The following FGD6 variants were observed in gnomAD, a reference collection of about 807,000 sequenced individuals.
FGD6 encodes the protein FYVE, RhoGEF and PH domain containing 6, also known as FYVE, RhoGEF and PH domain-containing protein 6.
A neutral mutation model predicts 149.4 loss-of-function variants in FGD6; 90 were observed. That is an observed-to-expected ratio of 0.60 (90% CI 0.51 to 0.72). The LOEUF is 0.72. Ranked by LOEUF, FGD6 falls within the 30% of genes least tolerant of loss-of-function variation. The probability of loss-of-function intolerance (pLI) is 0.00; values close to 1 mark genes in which losing one functional copy is unlikely to be tolerated. For synonymous variants in FGD6, 527 were observed against 584.0 expected (o/e 0.90, Z 1.41); for missense variants, 1,437 against 1,684.8 (o/e 0.85, Z 2.57).
chr12:95,160,379 C>T (rs4762607), intron 3 of FGD6, among the ~76,000 whole-genome samples: 6,656 of 152,136 alleles, frequency 0.044, 202 homozygotes, highest in Middle Eastern at 0.099. Flanking sequence ...CAGTAAATAC[C>T]TAGTGTTGGT....
rs1011654165 is a variant in FGD6, at chr12:95,092,778, G to C, written c.3668C>G (p.Thr1223Ser). Residue 1223 changes from threonine (T) to serine (S), a missense_variant, in exon 16 of 21, where the codon ACC becomes AGC. Coordinates refer to ENST00000343958, the MANE Select transcript of FGD6 (RefSeq NM_018351.4). Reference sequence around the variant, plus strand: ...GCAGATCATACACATTGTGGCTCTGGTATCAGGAATCCAGATGGGAGCCTT... The same window carrying C: ...GCAGATCATACACATTGTGGCTCTGCTATCAGGAATCCAGATGGGAGCCTT... ...GSKAPIWIPD[T>S]RATMCMICTS... 2 of 1,613,962 alleles carry C rather than the reference G, an allele frequency of 1.2e-6. No individual in the cohort carries two copies. The highest frequency in any genetic ancestry group is 2.7e-5 in the African/African-American group (2 of 74,892).
chr12:95,115,216 A>C (rs1878969232), intron 8 of FGD6, among the ~76,000 whole-genome samples: 1 of 151,974 alleles, frequency 6.6e-6, no homozygotes, highest in East Asian at 1.9e-4. Flanking sequence ...AAAGGGGACA[A>C]TAAATGCTTA....
chr12:95,168,267 T>C (rs1880882832), intron 3 of FGD6, among the ~76,000 whole-genome samples: 1 of 152,254 alleles, frequency 6.6e-6, no homozygotes, highest in African/African-American at 2.4e-5. Flanking sequence ...TATTTACTCA[T>C]CAAAGATAAG....
chr12:95,082,683 A>C (rs1308811525), intron 20 of FGD6, among the ~76,000 whole-genome samples: 1 of 149,686 alleles, frequency 6.7e-6, no homozygotes, highest in Non-Finnish European at 1.5e-5. Flanking sequence ...AGAGCTTCTC[A>C]AAGTTTCACA....
At position 95,209,580 on chromosome 12, in the gene FGD6, C is replaced by G. The variant is rs1475257622; in HGVS notation, c.1704G>C (p.Lys568Asn). Reference sequence around the variant, plus strand: ...AAAAGGGTAAAATAGGATGAGGTAACTTCCACACTGGCTTTTCTGAAGCCC... The same window carrying G: ...AAAAGGGTAAAATAGGATGAGGTAAGTTCCACACTGGCTTTTCTGAAGCCC... Reference protein sequence around the residue: ...PKRASEKPVWKLPHPILPFSG... With the variant: ...PKRASEKPVWNLPHPILPFSG... Residue 568 changes from lysine (K) to asparagine (N), a missense_variant, in exon 2 of 21, where the codon AAG (lysine) becomes AAC (asparagine). Transcript: ENST00000343958. The G allele has an allele frequency of 1.2e-6, 2 of 1,614,002 alleles. No individual in the cohort carries two copies. The highest frequency in any genetic ancestry group is 1.1e-5 in the South Asian group (1 of 91,060).
chr12:95,131,113 T>G (rs1454428107), intron 8 of FGD6, among the ~76,000 whole-genome samples: 3 of 125,124 alleles, frequency 2.4e-5, no homozygotes, highest in Admixed American at 7.4e-5. Flanking sequence ...AAAGAGTTTT[T>G]TTTTTTTTTT....
intron 2 of FGD6, among the ~76,000 whole-genome samples, chr12:95,192,533 A>C (rs1007771065): frequency 2.6e-5 from 4 of 152,218 alleles, no homozygotes; most frequent in African/African-American, 7.2e-5. Flanking sequence ...TGTGTCAGGC[A>C]CTGTTCTGGG....
chr12:95,107,023 C>T lies in FGD6; in HGVS notation c.3348G>A (p.Leu1116=), dbSNP rs767391920. The T allele has an allele frequency of 1.7e-5, 27 of 1,610,716 alleles. No individual in the cohort carries two copies. Among genetic ancestry groups the T allele is most frequent in the East Asian group, 2.2e-5 (1 of 44,672 alleles). The stretch of plus-strand genomic sequence containing the variant: ...CAGACTGCACTGGTGTTGTATACAG[C>T]AGGGCATCATTAAACTGAAAGTAGA... ...PRMFFLFNDA[L]LYTTPVQSGM... The change falls in exon 13 of 21, where the codon CTG becomes CTA. Residue 1116 remains leucine (L), a synonymous_variant. Coordinates refer to ENST00000343958, the MANE Select transcript of FGD6 (RefSeq NM_018351.4).
At chr12:95,208,719 T>C (rs2056705484) in intron 2 of FGD6, 124 bp downstream of exon 2, 2 of 1,169,774 alleles carry the variant, frequency 1.7e-6, no homozygotes, top group Non-Finnish European at 2.4e-6. Context: ...TTGAGAATAA[T>C]TACACATTTT....
At chr12:95,213,844 A>G (rs1051218058) in intron 1 of FGD6, among the ~76,000 whole-genome samples, 4 of 152,242 alleles carry the variant, frequency 2.6e-5, no homozygotes, top group Admixed American at 6.5e-5. Context: ...ACTGAATTCA[A>G]TTAATAACTG....
chr12:95,095,030 G>A, intron 14 of FGD6, among the ~76,000 whole-genome samples: 1 of 152,094 alleles, frequency 6.6e-6, no homozygotes, highest in East Asian at 1.9e-4. Context: ...TATTTATATA[G>A]CCAGGGAGTT....
At chr12:95,148,476 C>T (rs1301890390) in intron 5 of FGD6, among the ~76,000 whole-genome samples, 2 of 95,356 alleles carry the variant, frequency 2.1e-5, no homozygotes, top group African/African-American at 6.6e-5. Context: ...CTAAAAAATC[C>T]CTTCCAAATA....
intron 2 of FGD6, among the ~76,000 whole-genome samples, chr12:95,200,688 G>A (rs1473560079): frequency 4.6e-5 from 7 of 152,142 alleles, no homozygotes; most frequent in African/African-American, 1.2e-4. Flanking sequence ...TTACTCCACT[G>A]ACAGTCTATT....
At chr12:95,173,285 G>A (rs1267809691) in intron 2 of FGD6, among the ~76,000 whole-genome samples, 1 of 152,230 alleles carries the variant, frequency 6.6e-6, no homozygotes, top group African/African-American at 2.4e-5. Context: ...TGGGGAGGAA[G>A]AGGAAATGTT....
chr12:95,213,617 A>C (rs2056738597), intron 1 of FGD6, among the ~76,000 whole-genome samples: 2 of 152,196 alleles, frequency 1.3e-5, no homozygotes, highest in South Asian at 4.1e-4. Context: ...GAACCTTGTC[A>C]GAAGCTTTAG....
chr12:95,099,709 T>C (rs1055992330), intron 14 of FGD6, among the ~76,000 whole-genome samples: 2 of 152,114 alleles, frequency 1.3e-5, no homozygotes, highest in East Asian at 1.9e-4. Flanking sequence ...CAACTTCTAC[T>C]GTAGTCTCCT....
chr12:95,127,481 T>G (rs984260636), intron 8 of FGD6, among the ~76,000 whole-genome samples: 1 of 152,048 alleles, frequency 6.6e-6, no homozygotes, highest in Non-Finnish European at 1.5e-5. Flanking sequence ...GAGGTGGAGG[T>G]TGTAGTGAGC....
chr12:95,083,030 T>TATATATATTTATACAC (rs772685891), intron 20 of FGD6, among the ~76,000 whole-genome samples: 1 of 56,580 alleles, frequency 1.8e-5, no homozygotes, highest in African/African-American at 8.1e-5. Flanking sequence ...TATATATATA[T>TATATATATTTATACAC]ACACACACAT....
At chr12:95,132,175 G>A (rs940418888) in intron 8 of FGD6, among the ~76,000 whole-genome samples, 3 of 151,876 alleles carry the variant, frequency 2.0e-5, no homozygotes, top group Non-Finnish European at 4.4e-5. Context: ...TTTAAGAGAC[G>A]GAATTCTCAC....
Sources: allele counts gnomAD v4.1 joint callset (sites outside exome capture counted in the v4.1 genomes callset), GRCh38; gene constraint gnomAD v4.1.1; transcripts MANE v1.5; gene names NCBI Gene and HGNC (gene_info 2026-07-23, HGNC 2026-07-21).